Variants in HTR1F observed in about 807,000 individuals in gnomAD.
HTR1F encodes the protein 5-hydroxytryptamine receptor 1F, also known as 5-hydroxytryptamine (serotonin) receptor 1F, G protein-coupled.
Under a neutral mutation model 24.0 loss-of-function variants are expected in HTR1F, and 17 were observed. The ratio of observed to expected loss-of-function variants is 0.71; its 90% CI spans 0.48 to 1.06. The LOEUF is 1.06. Among genes scored for constraint, HTR1F ranks in the 50% least tolerant of loss-of-function variants. The pLI is 0.00. For synonymous variants in HTR1F, 186 were observed against 156.8 expected, an observed-to-expected ratio of 1.19 and a Z score of -1.39; for missense variants, 391 against 427.8, an observed-to-expected ratio of 0.91 and a Z score of 0.76.
At chr3:87,942,169 T>C (rs56368064) in intron 2 of HTR1F, among the ~76,000 whole-genome samples, 17,079 of 152,186 alleles carry the variant, frequency 0.11, 1,187 homozygotes, top group Non-Finnish European at 0.16. Context: ...TTATGGCCCC[T>C]GCTTTTGCTA....
At chr3:87,932,599 G>C (rs1490516029) in intron 2 of HTR1F, among the ~76,000 whole-genome samples, 1 of 152,246 alleles carries the variant, frequency 6.6e-6, no homozygotes, top group Middle Eastern at 3.4e-3. Flanking sequence ...TTGGTAGCTT[G>C]ATGGGGATGG....
rs1704186999 is a variant in HTR1F at position 87,928,675 on chromosome 3, C to T, written c.-42-62033C>T. The stretch of plus-strand genomic sequence containing the variant: ...CGCAGCTTTTGATTCTCCTACTTTA[C>T]GTTTTGGTTTTGGACCATTCATTCT... On this transcript the variant is annotated intron_variant, in intron 2 of 2. Coordinates refer to ENST00000319595, the MANE Select transcript of HTR1F (RefSeq NM_001322209.2). Among the ~76,000 whole-genome samples, 2 of 152,130 alleles carry T rather than the reference C, an allele frequency of 1.3e-5. 1 individual carries two copies. The highest frequency in any genetic ancestry group is 4.1e-4 in the South Asian group (2 of 4,834).
chr3:87,944,350 C>T (rs1472353973), intron 2 of HTR1F, among the ~76,000 whole-genome samples: 3 of 152,122 alleles, frequency 2.0e-5, no homozygotes, highest in Admixed American at 2.0e-4. Context: ...TTTTTTGATT[C>T]TGTAAGTACT....
intron 2 of HTR1F, among the ~76,000 whole-genome samples, chr3:87,899,497 GA>G (rs1447747057): frequency 3.0e-4 from 45 of 152,180 alleles, no homozygotes; most frequent in African/African-American, 1.1e-3. Context: ...AGCTCTGTAG[GA>G]AAGCTAAATC....
intron 2 of HTR1F, among the ~76,000 whole-genome samples, chr3:87,895,725 C>G (rs1559622448): frequency 6.6e-6 from 1 of 152,078 alleles, no homozygotes; most frequent in African/African-American, 2.4e-5. Context: ...ATATGTCATA[C>G]TTGTAGATAA....
At chr3:87,811,976 C>T (rs147488861) in intron 1 of HTR1F, among the ~76,000 whole-genome samples, 2 of 152,132 alleles carry the variant, frequency 1.3e-5, no homozygotes, top group East Asian at 3.8e-4. Context: ...CATATGCACT[C>T]TCACCTGCCA....
At chr3:87,885,771 C>G (rs188442133) in intron 2 of HTR1F, among the ~76,000 whole-genome samples, 1 of 151,918 alleles carries the variant, frequency 6.6e-6, no homozygotes, top group Non-Finnish European at 1.5e-5. Flanking sequence ...ACACATACAC[C>G]CTCCCAAGAC....
intron 2 of HTR1F, among the ~76,000 whole-genome samples, chr3:87,880,652 G>GTGTGTGTTTGTT (rs761650118): frequency 8.0e-6 from 1 of 125,550 alleles, no homozygotes; most frequent in Non-Finnish European, 1.8e-5. Context: ...TTGTTTGTGT[G>GTGTGTGTTTGTT]TGTGTGTGTG....
intron 2 of HTR1F, among the ~76,000 whole-genome samples, chr3:87,887,439 C>T (rs1463515765): frequency 6.6e-6 from 1 of 152,064 alleles, no homozygotes; most frequent in Non-Finnish European, 1.5e-5. Flanking sequence ...ACTAAAACAC[C>T]AAAAGCAATG....
chr3:87,903,141 C>T (rs957736534), intron 2 of HTR1F, among the ~76,000 whole-genome samples: 8 of 152,094 alleles, frequency 5.3e-5, no homozygotes, highest in Non-Finnish European at 1.0e-4. Context: ...GGATTCAAGA[C>T]TTAAATGTTA....
chr3:87,887,675 A>G (rs1231389194), intron 2 of HTR1F, among the ~76,000 whole-genome samples: 1 of 152,252 alleles, frequency 6.6e-6, no homozygotes, highest in Non-Finnish European at 1.5e-5. Context: ...ATGAACAGAC[A>G]CTTCTCCAAA....
intron 1 of HTR1F, among the ~76,000 whole-genome samples, chr3:87,816,342 G>A (rs563818288): frequency 3.3e-5 from 5 of 152,002 alleles, no homozygotes; most frequent in African/African-American, 9.7e-5. Context: ...CATTCTTTCT[G>A]TGTTTTATAG....
At chr3:87,794,477 A>C (rs1703870746) in intron 1 of HTR1F, among the ~76,000 whole-genome samples, 1 of 152,252 alleles carries the variant, frequency 6.6e-6, no homozygotes, top group Non-Finnish European at 1.5e-5. Flanking sequence ...TTTCTAGAAC[A>C]AATTTTACAC....
intron 2 of HTR1F, among the ~76,000 whole-genome samples, chr3:87,912,046 G>A (rs1382878675): frequency 6.6e-6 from 1 of 152,010 alleles, no homozygotes; most frequent in Non-Finnish European, 1.5e-5. Context: ...ATTCAACATA[G>A]TATTGTAAGT....
intron 2 of HTR1F, among the ~76,000 whole-genome samples, chr3:87,914,651 G>A (rs537808227): frequency 1.9e-4 from 29 of 151,940 alleles, no homozygotes; most frequent in East Asian, 7.8e-4. Context: ...CCATTGACCC[G>A]GGAACCTCAC....
At chr3:87,826,855 G>A (rs772007707) in intron 2 of HTR1F, among the ~76,000 whole-genome samples, 2 of 152,064 alleles carry the variant, frequency 1.3e-5, no homozygotes, top group Non-Finnish European at 2.9e-5. Flanking sequence ...CTGTCACCCA[G>A]GCTGGAGTGC....
chr3:87,890,714 A>G (rs1159843134), intron 2 of HTR1F, among the ~76,000 whole-genome samples: 1 of 152,178 alleles, frequency 6.6e-6, no homozygotes, highest in Non-Finnish European at 1.5e-5. Context: ...TGGGATGAGA[A>G]AGGCAAGTCT....
intron 2 of HTR1F, among the ~76,000 whole-genome samples, chr3:87,845,138 C>T (rs1203665269): frequency 6.6e-6 from 1 of 151,574 alleles, no homozygotes; most frequent in Non-Finnish European, 1.5e-5. Context: ...ACTGAATGGG[C>T]AAAAACTGGA....
chr3:87,846,989 A>G (rs1320440593), intron 2 of HTR1F, among the ~76,000 whole-genome samples: 1 of 151,792 alleles, frequency 6.6e-6, no homozygotes, highest in African/African-American at 2.4e-5. Flanking sequence ...AGATAAATAT[A>G]TTATTGCTAT....
Sources: allele counts gnomAD v4.1 joint callset (sites outside exome capture counted in the v4.1 genomes callset), GRCh38; gene constraint gnomAD v4.1.1; transcripts MANE v1.5; gene names NCBI Gene and HGNC (gene_info 2026-07-23, HGNC 2026-07-21).